Variants in MACF1 observed in about 807,000 individuals in gnomAD.
MACF1 encodes the protein microtubule actin crosslinking factor 1, also known as microtubule-actin cross-linking factor 1.
In MACF1, 193 loss-of-function variants were observed where a neutral mutation model predicts 854.8. That is an observed-to-expected ratio of 0.23 (90% CI 0.20 to 0.25). The LOEUF is 0.25. MACF1 is among the 10% of genes least tolerant of loss of function. The probability of loss-of-function intolerance (pLI) is 1.00; values close to 1 mark genes in which losing one functional copy is unlikely to be tolerated. For missense variants in MACF1, 7,722 were observed against 8,929.1 expected (o/e 0.86, Z 5.45); for synonymous variants, 3,185 against 3,226.7 (o/e 0.99, Z 0.44).
intron 15 of MACF1, among the ~76,000 whole-genome samples, chr1:39,289,316 T>C (rs1222545180): frequency 2.0e-5 from 3 of 152,234 alleles, no homozygotes; most frequent in Non-Finnish European, 2.9e-5. Flanking sequence ...ACCTCCAAAC[T>C]GTTCTCCATA....
chr1:39,087,623 G>A (rs1312600472), intron 2 of MACF1, among the ~76,000 whole-genome samples: 3 of 152,082 alleles, frequency 2.0e-5, no homozygotes, highest in African/African-American at 7.2e-5. Context: ...GTCTTGTTTC[G>A]GTTTATCAGC....
At chr1:39,179,246 A>G (rs1571141100) in intron 2 of MACF1, among the ~76,000 whole-genome samples, 1 of 152,014 alleles carries the variant, frequency 6.6e-6, no homozygotes, top group Admixed American at 6.6e-5. Context: ...CTTTCCCCAG[A>G]CCCCGTGTTG....
chr1:39,228,743 T>G (rs529537648), intron 1 of MACF1, among the ~76,000 whole-genome samples: 1 of 152,338 alleles, frequency 6.6e-6, no homozygotes, highest in South Asian at 2.1e-4. Context: ...AACCTCCGCC[T>G]CCTGGGTTCA....
At chr1:39,454,826 T>C in intron 88 of MACF1, 83 bp from the exon 89 acceptor site, 1 of 1,218,526 alleles carries the variant, frequency 8.2e-7, no homozygotes, top group East Asian at 2.4e-5. Flanking sequence ...AAAGCCATTA[T>C]GAAAATCAGA....
At chr1:39,401,529 T>C (rs1207773632) in intron 58 of MACF1, among the ~76,000 whole-genome samples, 2 of 152,254 alleles carry the variant, frequency 1.3e-5, no homozygotes, top group Non-Finnish European at 2.9e-5. Flanking sequence ...TTCATCTGTC[T>C]GCCAATCTCA....
intron 26 of MACF1, among the ~76,000 whole-genome samples, chr1:39,314,068 A>G (rs1646357204): frequency 6.6e-6 from 1 of 152,192 alleles, no homozygotes; most frequent in Admixed American, 6.5e-5. Flanking sequence ...AAATGTATTC[A>G]TTGTTGTTGG....
At chr1:39,361,816 C>A (rs1206926876) in intron 49 of MACF1, 139 bp downstream of exon 49, 14 of 786,614 alleles carry the variant, frequency 1.8e-5, no homozygotes, top group Non-Finnish European at 2.7e-5. Context: ...TACAGTGATC[C>A]CGTAAACTAG....
intron 2 of MACF1, among the ~76,000 whole-genome samples, chr1:39,086,430 G>A (rs186369995): frequency 6.6e-6 from 1 of 152,152 alleles, no homozygotes. Context: ...AAACCTTTGG[G>A]CCTGCAGCAT....
At position 39,310,938 on chromosome 1, in the gene MACF1, G is replaced by A; in HGVS notation, c.3208G>A (p.Ala1070Thr). The change falls in exon 26 of 101, where the codon GCC becomes ACC. Residue 1070 changes from alanine to threonine, a missense_variant. This residue lies in a region of MACF1 where 1,137 missense variants were observed against 1,263.0 expected (regional missense o/e 0.90). Coordinates refer to ENST00000564288, the MANE Select transcript of MACF1 (RefSeq NM_001394062.1). ...QRVVKRIQSL[A>T]SSRTDRDAWQ... ...GGTGGTCAAACGAATTCAGTCTCTA[G>A]CCAGCTCTAGGACTGACAGAGATGC... 6.2e-7 allele frequency: 1 copy of A among 1,614,192 alleles called. No homozygotes were observed. The highest frequency in any genetic ancestry group is 2.2e-5 in the East Asian group (1 of 44,886).
Position 39,291,985 on chromosome 1 carries a change from C to T in MACF1, c.1861C>T (p.His621Tyr). The change falls in exon 16 of 101, where the codon CAT (histidine) becomes TAT (tyrosine). Residue 621 changes from histidine to tyrosine, a missense_variant. By Grantham distance (83) the His-to-Tyr change is moderately conservative (BLOSUM62 2). Transcript: ENST00000564288. ...GCAGCTAGAAACACAGCAGCACATC[C>T]ATACGAGTGTAGAAGAGCTGGGCTC... is the stretch of plus-strand genomic sequence containing the variant. Reference protein sequence around the residue: ...ELQLETQQHIHTSVEELGSSV... With the variant: ...ELQLETQQHIYTSVEELGSSV... 7 of 1,614,052 alleles carry T rather than the reference C, an allele frequency of 4.3e-6. No homozygotes were observed. The highest frequency in any genetic ancestry group is 5.9e-6 in the Non-Finnish European group (7 of 1,180,004).
chr1:39,196,853 G>T (rs1644326351), intron 2 of MACF1, among the ~76,000 whole-genome samples: 1 of 152,156 alleles, frequency 6.6e-6, no homozygotes, highest in South Asian at 2.1e-4. Context: ...CTTGTGTTGA[G>T]ATTTCTTGTG....
intron 6 of MACF1, among the ~76,000 whole-genome samples, chr1:39,259,207 T>C (rs1557548535): frequency 6.6e-6 from 1 of 152,340 alleles, no homozygotes; most frequent in East Asian, 1.9e-4. Flanking sequence ...GCCCAATGTT[T>C]GTCTCATAGG....
At position 39,433,085 on chromosome 1, in the gene MACF1, T is replaced by A. The variant is rs1050705415; in HGVS notation, c.17495T>A (p.Met5832Lys). ...GACATTATTCGACACAAAGATTCAA[T>A]GGATGAACTCTTCAGTCACCGTAGT... ...SIDIIRHKDS[M>K]DELFSHRSEI... The change falls in exon 68 of 101, where the codon ATG (methionine) becomes AAG (lysine). Residue 5832 changes from methionine to lysine, a missense_variant. This residue lies in a region of MACF1 where 2,807 missense variants were observed against 3,235.8 expected (regional missense o/e 0.87). Coordinates refer to ENST00000564288, the MANE Select transcript of MACF1 (RefSeq NM_001394062.1). The A allele has an allele frequency of 6.2e-7, 1 of 1,612,628 alleles. No homozygotes were observed.
chr1:39,236,705 C>T (rs540879508), intron 2 of MACF1, among the ~76,000 whole-genome samples: 5 of 152,048 alleles, frequency 3.3e-5, no homozygotes, highest in South Asian at 2.1e-4. Flanking sequence ...CTTTGTTGCC[C>T]GGCTGGAGTG....
intron 35 of MACF1, among the ~76,000 whole-genome samples, chr1:39,325,306 GTCAAGAAAAGTTGAGAAA>G (rs1646588714): frequency 6.6e-6 from 1 of 152,194 alleles, no homozygotes. Flanking sequence ...AAGTTCAGAA[GTCAAGAAAAGTTGAGAAA>G]TATCTGTTAC....
At position 39,481,025 on chromosome 1, in the gene MACF1, C is replaced by G. The variant is rs779935797; in HGVS notation, c.22276C>G (p.Pro7426Ala). 6 of 1,548,314 alleles carry G rather than the reference C, an allele frequency of 3.9e-6. No individual in the cohort carries two copies. The highest frequency in any genetic ancestry group is 5.2e-6 in the Non-Finnish European group (6 of 1,144,870). ...TTCTCCTGACCTCCAGCTGCCCACC[C>G]CCGAGGTAGAGTATGGCTTTGCTGA... ...SHSPDLQLPT[P>A]EVIPSSGSKL... Residue 7426 changes from proline to alanine, a missense_variant, in exon 99 of 101, where the codon CCC (proline) becomes GCC (alanine). This residue lies in a region of MACF1 where 185 missense variants were observed against 225.7 expected (regional missense o/e 0.82). Transcript: ENST00000564288.
intron 97 of MACF1, among the ~76,000 whole-genome samples, chr1:39,477,999 A>ATTTTTTTTT (rs36028217): frequency 3.9e-5 from 4 of 101,854 alleles, no homozygotes; most frequent in African/African-American, 1.1e-4. Flanking sequence ...TCAGAAGTGA[A>ATTTTTTTTT]TTTTTTTTTT....
At chr1:39,253,160 T>C (rs1468655475) in intron 4 of MACF1, among the ~76,000 whole-genome samples, 1 of 152,186 alleles carries the variant, frequency 6.6e-6, no homozygotes, top group African/African-American at 2.4e-5. Context: ...TGATACTCAG[T>C]AGGCAAAGAG....
At chr1:39,365,430 G>A (rs1377856105) in intron 49 of MACF1, among the ~76,000 whole-genome samples, 1 of 152,084 alleles carries the variant, frequency 6.6e-6, no homozygotes, top group Non-Finnish European at 1.5e-5. Context: ...CATGCTCAAA[G>A]GAAAGACTCA....
Sources: gnomAD v4.1 joint callset for allele counts (sites outside exome capture counted in the v4.1 genomes callset) on GRCh38, gnomAD v4.1.1 for gene constraint, gnomAD v4.1.1 regional missense constraint, MANE v1.5 for transcripts, NCBI Gene and HGNC (gene_info 2026-07-23, HGNC 2026-07-21) for gene names.